Variants in ANK1 observed in about 807,000 individuals in gnomAD.
The protein encoded by ANK1 is ankyrin 1, also known as ankyrin-1.
ANK1 carries 51 observed loss-of-function variants against 210.4 expected under a neutral mutation model. The ratio of observed to expected loss-of-function variants is 0.24; its 90% CI spans 0.19 to 0.31. The LOEUF (loss-of-function observed/expected upper bound fraction) is 0.31. Among genes scored for constraint, ANK1 ranks in the 10% least tolerant of loss-of-function variants. The pLI, the probability that ANK1 is intolerant of heterozygous loss-of-function variation, is 1.00. For missense variants in ANK1, 2,051 were observed against 2,504.4 expected (o/e 0.82, Z 3.86); for synonymous variants, 967 against 1,025.9 (o/e 0.94, Z 1.10).
At chr8:41,819,714 C>T (rs572722478) in intron 1 of ANK1, among the ~76,000 whole-genome samples, 11 of 152,330 alleles carry the variant, frequency 7.2e-5, no homozygotes, top group East Asian at 1.9e-4. Flanking sequence ...TTATGGCTTG[C>T]GACTTGGGCT....
chr8:41,657,392 T>C (rs1806123492), intron 42 of ANK1, among the ~76,000 whole-genome samples: 1 of 152,216 alleles, frequency 6.6e-6, no homozygotes, highest in Admixed American at 6.5e-5. Context: ...AGAGGTGTGA[T>C]GTTTAAAAAA....
At chr8:41,854,597 T>C (rs1384753788) in intron 1 of ANK1, among the ~76,000 whole-genome samples, 1 of 152,180 alleles carries the variant, frequency 6.6e-6, no homozygotes, top group Middle Eastern at 3.2e-3. Context: ...TTCCAGTTAC[T>C]GGCTCTTGTT....
At position 41,819,415 on chromosome 8, in the gene ANK1, A is replaced by G. The variant is rs927276521; in HGVS notation, c.127-61278T>C. Among the ~76,000 whole-genome samples the G allele has an allele frequency of 5.9e-5, 9 of 152,218 alleles. No individual in the cohort carries two copies. In the South Asian group the frequency reaches 6.2e-4, roughly 11 times the overall value. On this transcript the variant is annotated intron_variant, in intron 1 of 42. Coordinates refer to the ANK1 transcript ENST00000265709. ...GTAGGCAGAGAAGATGCAGCTCCCA[A>G]TGATTGAAGAGTTCATTCCCACAGA...
chr8:41,867,414 T>A (rs182401273), intron 1 of ANK1, among the ~76,000 whole-genome samples: 320 of 152,066 alleles, frequency 2.1e-3, no homozygotes, highest in African/African-American at 7.4e-3. Flanking sequence ...ATAATACAAA[T>A]CTCCTAAAAT....
In ANK1 at chr8:41,699,523, A is replaced by C; in HGVS notation, c.2487T>G (p.Ala829=). The C allele has an allele frequency of 6.2e-7, 1 of 1,614,180 alleles. No individual in the cohort carries two copies. Among genetic ancestry groups the C allele is most frequent in the Non-Finnish European group, 8.5e-7 (1 of 1,180,034 alleles). ...DEGEELISFK[A]ERRDSRDVDE... is the part of the protein sequence containing the mutation. ...CAACATCCCTGGAATCCCGCCTCTCAGCCTTGAAGCTGATGAGTTCTTCCC... is the reference window on the plus strand; with the variant it reads ...CAACATCCCTGGAATCCCGCCTCTCCGCCTTGAAGCTGATGAGTTCTTCCC... The change falls in exon 23 of 43, where the codon GCT becomes GCG. Residue 829 remains alanine, a synonymous_variant. Coordinates refer to ENST00000289734, the MANE Select transcript of ANK1 (RefSeq NM_000037.4).
rs1366025313 is a variant in ANK1 at position 41,747,524 on chromosome 8, C to A, written c.129+10512G>T. ...GCTTGTGCCTGTCTATCCCAAAGGCCTGAATTCTTTGAGATCCTGTGTTTT... is the reference window on the plus strand; with the variant it reads ...GCTTGTGCCTGTCTATCCCAAAGGCATGAATTCTTTGAGATCCTGTGTTTT... On this transcript the variant is annotated intron_variant, in intron 2 of 42. Transcript: ENST00000289734. Among the ~76,000 whole-genome samples, 11 of 152,280 alleles carry A rather than the reference C, an allele frequency of 7.2e-5. No homozygotes were observed. In the East Asian group the frequency reaches 1.7e-3, roughly 24 times the overall value.
intron 1 of ANK1, among the ~76,000 whole-genome samples, chr8:41,883,968 T>A (rs1367883771): frequency 2.0e-5 from 3 of 152,250 alleles, no homozygotes; most frequent in African/African-American, 7.2e-5. Context: ...CTCCAACAAC[T>A]CAGATTGTTC....
At chr8:41,747,999 T>C (rs748800931) in intron 2 of ANK1, among the ~76,000 whole-genome samples, 5 of 152,148 alleles carry the variant, frequency 3.3e-5, no homozygotes, top group African/African-American at 7.2e-5. Flanking sequence ...TTGGGCTGGG[T>C]GTCTCAGTCC....
intron 1 of ANK1, among the ~76,000 whole-genome samples, chr8:41,777,385 GC>G (rs1208708677): frequency 6.6e-6 from 1 of 152,050 alleles, no homozygotes; most frequent in African/African-American, 2.4e-5. Context: ...GACCAGCCTG[GC>G]CAACATGGTG....
chr8:41,890,708 C>CAA (rs557921949), intron 1 of ANK1, among the ~76,000 whole-genome samples: 5,615 of 62,726 alleles, frequency 0.09, 353 homozygotes, highest in South Asian at 0.21. Flanking sequence ...GACTCCGTCT[C>CAA]AAAAAAAAAA....
At chr8:41,695,105 C>G in intron 27 of ANK1, 72 bp downstream of exon 27, 1 of 1,597,400 alleles carries the variant, frequency 6.3e-7, no homozygotes, top group East Asian at 2.2e-5. Flanking sequence ...CCCTCAAAGA[C>G]CACCTTTAAG....
At chr8:41,820,581 C>T (rs1804087847) in intron 1 of ANK1, among the ~76,000 whole-genome samples, 1 of 152,056 alleles carries the variant, frequency 6.6e-6, no homozygotes, top group Non-Finnish European at 1.5e-5. Flanking sequence ...AGTGTTTTCT[C>T]AGGGGTCCCA....
intron 22 of ANK1, among the ~76,000 whole-genome samples, chr8:41,701,011 C>T (rs1190836932): frequency 6.6e-6 from 1 of 152,152 alleles, no homozygotes; most frequent in Admixed American, 6.5e-5. Flanking sequence ...TCAAGCAATC[C>T]TCCAACCTCG....
At chr8:41,875,640 T>C (rs1816413037) in intron 1 of ANK1, among the ~76,000 whole-genome samples, 2 of 151,976 alleles carry the variant, frequency 1.3e-5, no homozygotes, top group Non-Finnish European at 2.9e-5. Flanking sequence ...GATGCGTGAG[T>C]GATGATGGAA....
chr8:41,719,543 C>T (rs1272180939), intron 10 of ANK1, 118 bp downstream of exon 10: 8 of 1,367,926 alleles, frequency 5.8e-6, no homozygotes, highest in African/African-American at 1.4e-5. Flanking sequence ...GCTCAGGCCT[C>T]GAATCTGGGG....
At chr8:41,871,516 A>G (rs1360037839) in intron 1 of ANK1, among the ~76,000 whole-genome samples, 1 of 152,182 alleles carries the variant, frequency 6.6e-6, no homozygotes, top group African/African-American at 2.4e-5. Flanking sequence ...ACAGAGGCAG[A>G]TGCAGGGAGA....
chr8:41,863,087 G>T (rs1009889254), intron 1 of ANK1, among the ~76,000 whole-genome samples: 1 of 152,082 alleles, frequency 6.6e-6, no homozygotes, highest in Admixed American at 6.5e-5. Context: ...AGCCGGGCGC[G>T]GTGGCTCATG....
chr8:41,699,135 A>G (rs1030323404), intron 23 of ANK1, among the ~76,000 whole-genome samples: 3 of 152,018 alleles, frequency 2.0e-5, no homozygotes, highest in Non-Finnish European at 4.4e-5. Context: ...TTGAGTGTGG[A>G]TAAGAGGGAG....
chr8:41,863,591 T>C (rs1813721044), intron 1 of ANK1, among the ~76,000 whole-genome samples: 1 of 152,208 alleles, frequency 6.6e-6, no homozygotes, highest in Non-Finnish European at 1.5e-5. Flanking sequence ...TCTCACTTAT[T>C]AGTAGTATAC....
Sources: gnomAD v4.1 joint callset for allele counts (sites outside exome capture counted in the v4.1 genomes callset) on GRCh38, gnomAD v4.1.1 for gene constraint, MANE v1.5 for transcripts, NCBI Gene and HGNC (gene_info 2026-07-23, HGNC 2026-07-21) for gene names.